Variants in NALF1 observed in about 807,000 individuals in gnomAD.
NALF1 encodes the protein NALCN channel auxiliary factor 1, also known as family with sequence similarity 155 member A.
NALF1 carries 3 observed loss-of-function variants against 48.4 expected under a neutral mutation model. That is an observed-to-expected ratio of 0.06 (90% confidence interval 0.03 to 0.16). NALF1 has a LOEUF of 0.16. Among genes scored for constraint, NALF1 ranks in the 10% least tolerant of loss-of-function variants. The pLI, the probability that NALF1 is intolerant of heterozygous loss-of-function variation, is 1.00. For missense variants in NALF1, 526 were observed against 571.5 expected (o/e 0.92, Z 0.81); for synonymous variants, 262 against 245.7 (o/e 1.07, Z -0.62).
intron 1 of NALF1, among the ~76,000 whole-genome samples, chr13:107,274,566 GTAAA>G (rs2138867062): frequency 6.6e-6 from 1 of 151,970 alleles, no homozygotes; most frequent in South Asian, 2.1e-4. Flanking sequence ...TGTCTCTAAA[GTAAA>G]TAAATTAATT....
intron 1 of NALF1, among the ~76,000 whole-genome samples, chr13:107,841,080 T>A (rs1008802932): frequency 6.6e-6 from 1 of 152,220 alleles, no homozygotes; most frequent in Non-Finnish European, 1.5e-5. Flanking sequence ...TTCACTCATT[T>A]ACTCAACAAA....
chr13:107,206,371 A>G (rs1291912030), intron 2 of NALF1, among the ~76,000 whole-genome samples: 1 of 152,210 alleles, frequency 6.6e-6, no homozygotes, highest in Non-Finnish European at 1.5e-5. Flanking sequence ...AAAGCATTCT[A>G]TAGTAATGGA....
At chr13:107,788,910 G>A (rs1878152320) in intron 1 of NALF1, 1 of 152,134 alleles carries the variant, frequency 6.6e-6, no homozygotes, top group Non-Finnish European at 1.5e-5. Flanking sequence ...ATTCTGGCCT[G>A]GAGGTTGGCC....
chr13:107,402,966 T>A (rs1386437600), intron 1 of NALF1, among the ~76,000 whole-genome samples: 1 of 152,048 alleles, frequency 6.6e-6, no homozygotes, highest in Non-Finnish European at 1.5e-5. Context: ...ATCTATTACC[T>A]CAGCAATAGA....
intron 1 of NALF1, among the ~76,000 whole-genome samples, chr13:107,634,007 A>G (rs1879908057): frequency 7.7e-6 from 1 of 130,216 alleles, no homozygotes; most frequent in Non-Finnish European, 1.7e-5. Context: ...TGCTTTAGAT[A>G]CTATTATGTG....
At position 107,364,855 on chromosome 13, in the gene NALF1, C is replaced by T. The variant is rs972363452; in HGVS notation, c.916-154100G>A. On this transcript the variant is annotated intron_variant, in intron 1 of 2. Transcript: ENST00000375915. ...AAAAAGGCACATTTCACCATTTCAC[C>T]AATATCTGATTCTGTGAACAACTTC... Among the ~76,000 whole-genome samples the T allele has an allele frequency of 3.5e-4, 53 of 152,098 alleles. 1 individual carries two copies. Among genetic ancestry groups the T allele is most frequent in the Middle Eastern group, 3.4e-3 (1 of 294 alleles).
At chr13:107,839,612 A>G (rs1444824694) in intron 1 of NALF1, among the ~76,000 whole-genome samples, 1 of 151,734 alleles carries the variant, frequency 6.6e-6, no homozygotes, top group Non-Finnish European at 1.5e-5. Context: ...GCCCGATGAC[A>G]CACAGTGAGA....
At chr13:107,667,820 G>C (rs184341689) in intron 1 of NALF1, among the ~76,000 whole-genome samples, 129 of 152,180 alleles carry the variant, frequency 8.5e-4, no homozygotes, top group African/African-American at 3.0e-3. Flanking sequence ...GGCACCTAAT[G>C]AAACCACTAT....
intron 1 of NALF1, among the ~76,000 whole-genome samples, chr13:107,531,689 G>A (rs1876645121): frequency 2.6e-5 from 4 of 151,794 alleles, no homozygotes; most frequent in Admixed American, 2.6e-4. Context: ...TTTATGAGTT[G>A]TCTGTCTGTA....
chr13:107,198,799 G>C (rs1272662991), intron 2 of NALF1, among the ~76,000 whole-genome samples: 1 of 152,074 alleles, frequency 6.6e-6, no homozygotes, highest in Non-Finnish European at 1.5e-5. Flanking sequence ...TCTGGTATGG[G>C]CCTTTCTTCT....
chr13:107,447,286 C>T (rs1203026628), intron 1 of NALF1, among the ~76,000 whole-genome samples: 1 of 152,066 alleles, frequency 6.6e-6, no homozygotes, highest in African/African-American at 2.4e-5. Flanking sequence ...CAAGATCACT[C>T]GATAATCTGG....
In NALF1 at chr13:107,867,301, TGCTGCCGCCGCCGCCGCCGCCGCCGCC is replaced by T. The variant is rs1880770510; in HGVS notation, c.-732_-706del. Among the ~76,000 whole-genome samples the T allele has an allele frequency of 2.8e-5, 1 of 35,744 alleles. No individual in the cohort carries two copies. Among genetic ancestry groups the T allele is most frequent in the East Asian group, 9.0e-4 (1 of 1,108 alleles). The allele number at this position is 35,744 out of a possible 152,430, so 23.4% of individuals were successfully genotyped here. A position where few individuals can be genotyped will look rare whatever the true frequency, so the allele number is the denominator to read the frequency against. On this transcript the variant is annotated 5_prime_UTR_variant, in exon 1 of 3. Coordinates refer to ENST00000375915, the MANE Select transcript of NALF1 (RefSeq NM_001080396.3). This position sits in a 1 kb window ranked among gnomAD's most constrained non-coding sequence, Gnocchi z 4.4. ...CCCACCCCCCACCCCGCGCTCTAAG[TGCTGCCGCCGCCGCCGCCGCCGCCGCC>T]GCTGCCGCAGGGCCGCCCGCGGGCG...
At chr13:107,767,138 T>C (rs897408161) in intron 1 of NALF1, among the ~76,000 whole-genome samples, 1 of 152,136 alleles carries the variant, frequency 6.6e-6, no homozygotes, top group Admixed American at 6.6e-5. Context: ...TGTGTTTCCC[T>C]CACAAAGAAA....
chr13:107,263,713 C>T (rs1413918889), intron 1 of NALF1, among the ~76,000 whole-genome samples: 1 of 152,168 alleles, frequency 6.6e-6, no homozygotes, highest in Non-Finnish European at 1.5e-5. Context: ...CCATGTGGAA[C>T]TGTGAGTCCA....
At chr13:107,337,591 T>C (rs1013112897) in intron 1 of NALF1, among the ~76,000 whole-genome samples, 1 of 152,154 alleles carries the variant, frequency 6.6e-6, no homozygotes, top group African/African-American at 2.4e-5. Flanking sequence ...TCAACACTCA[T>C]GTCCTTTCGT....
chr13:107,283,739 A>G (rs901087913), intron 1 of NALF1, among the ~76,000 whole-genome samples: 1 of 151,708 alleles, frequency 6.6e-6, no homozygotes, highest in Admixed American at 6.6e-5. Flanking sequence ...GGTTCATTGC[A>G]AACTCCACCT....
At chr13:107,592,840 A>G (rs1878635238) in intron 1 of NALF1, among the ~76,000 whole-genome samples, 1 of 151,920 alleles carries the variant, frequency 6.6e-6, no homozygotes, top group Admixed American at 6.6e-5. Context: ...CATAAAAATG[A>G]AATCCTCTCT....
At chr13:107,861,848 T>G (rs1880578745) in intron 1 of NALF1, among the ~76,000 whole-genome samples, 1 of 107,936 alleles carries the variant, frequency 9.3e-6, no homozygotes, top group African/African-American at 3.8e-5. Flanking sequence ...TTTTTTCTTT[T>G]CAAATTGTAC....
chr13:107,385,778 T>A (rs1005709667), intron 1 of NALF1, among the ~76,000 whole-genome samples: 1 of 152,186 alleles, frequency 6.6e-6, no homozygotes, highest in African/African-American at 2.4e-5. Flanking sequence ...ACAAATTCGA[T>A]ATTTCTACAT....
Sources: gnomAD v4.1 joint callset for allele counts (sites outside exome capture counted in the v4.1 genomes callset) on GRCh38, gnomAD v4.1.1 for gene constraint, Gnocchi (gnomAD v3.1) non-coding constraint, MANE v1.5 for transcripts, NCBI Gene and HGNC (gene_info 2026-07-23, HGNC 2026-07-21) for gene names.